DSCAM: variants seen among roughly 807,000 people sequenced by gnomAD.
The protein encoded by DSCAM is DS cell adhesion molecule.
DSCAM carries 47 observed loss-of-function variants against 217.7 expected under a neutral mutation model. The ratio of observed to expected loss-of-function variants is 0.22; its 90% CI spans 0.17 to 0.28. The LOEUF is 0.28. Ranked by LOEUF, DSCAM falls within the 10% of genes least tolerant of loss-of-function variation. The pLI is 1.00. For missense variants in DSCAM, 2,080 were observed against 2,618.3 expected, an observed-to-expected ratio of 0.79 and a Z score of 4.49; for synonymous variants, 1,056 against 1,015.3, an observed-to-expected ratio of 1.04 and a Z score of -0.76.
At chr21:40,168,324 T>A (rs1385641642) in intron 15 of DSCAM, among the ~76,000 whole-genome samples, 1 of 152,160 alleles carries the variant, frequency 6.6e-6, no homozygotes, top group Non-Finnish European at 1.5e-5. Context: ...GTGTTGGAAA[T>A]GTGCTACCTA....
rs185051253 is a variant in DSCAM at position 40,198,300 on chromosome 21, C to T, written c.2357-9062G>A. ...TCCCTCTCTCCCTCTGTCATGATGG[C>T]CTTTATTTTTTATTTAATATCCCAC... On this transcript the variant is annotated intron_variant, in intron 11 of 32. Transcript: ENST00000400454. 2.6e-3 allele frequency among the ~76,000 whole-genome samples: 397 copies of T among 152,190 alleles called. 2 individuals carry two copies. The highest frequency in any genetic ancestry group is 4.0e-3 in the Non-Finnish European group (273 of 68,012).
rs115732331 is a variant in DSCAM, at chr21:40,030,506, C to T, written c.5686+11865G>A. On this transcript the variant is annotated intron_variant, in intron 32 of 32. Transcript: ENST00000400454. ...CCCTGCAAAGATCCTTCTGGTGGTC[C>T]AGAGAGCTGAGCAAAGATAAAGGCC... Among the ~76,000 whole-genome samples, 644 of 152,146 alleles carry T rather than the reference C, an allele frequency of 4.2e-3. 4 individuals are homozygous for T. Among genetic ancestry groups the T allele is most frequent in the African/African-American group, 0.015 (606 of 41,498 alleles).
intron 3 of DSCAM, among the ~76,000 whole-genome samples, chr21:40,546,058 G>C (rs190456828): frequency 6.6e-6 from 1 of 152,346 alleles, no homozygotes; most frequent in East Asian, 1.9e-4. Flanking sequence ...ACCAGGACCT[G>C]GCAGTGCATA....
At chr21:40,751,327 A>T (rs769676122) in intron 1 of DSCAM, among the ~76,000 whole-genome samples, 7 of 152,154 alleles carry the variant, frequency 4.6e-5, no homozygotes, top group East Asian at 1.9e-4. Flanking sequence ...ATATTCATTT[A>T]TCTGATGCAT....
At chr21:40,768,700 C>T in intron 1 of DSCAM, among the ~76,000 whole-genome samples, 1 of 152,210 alleles carries the variant, frequency 6.6e-6, no homozygotes, top group East Asian at 1.9e-4. Context: ...AGCACCTCTG[C>T]ACTCAGACCT....
intron 16 of DSCAM, among the ~76,000 whole-genome samples, chr21:40,153,856 T>G (rs2090449164): frequency 6.6e-6 from 1 of 152,154 alleles, no homozygotes; most frequent in Non-Finnish European, 1.5e-5. Context: ...GACTATTTAG[T>G]TAAAAAGCAG....
chr21:40,600,045 A>G (rs1340185439), intron 3 of DSCAM, among the ~76,000 whole-genome samples: 1 of 152,218 alleles, frequency 6.6e-6, no homozygotes, highest in Non-Finnish European at 1.5e-5. Flanking sequence ...AGCTGGTACC[A>G]TCCTTCTGAA....
At chr21:40,589,699 C>A (rs1271982184) in intron 3 of DSCAM, among the ~76,000 whole-genome samples, 2 of 152,202 alleles carry the variant, frequency 1.3e-5, no homozygotes, top group Non-Finnish European at 2.9e-5. Flanking sequence ...TTGAAATCAT[C>A]TTTGGCAATG....
intron 11 of DSCAM, among the ~76,000 whole-genome samples, chr21:40,248,733 G>T (rs2073261552): frequency 6.6e-6 from 1 of 152,050 alleles, no homozygotes; most frequent in South Asian, 2.1e-4. Flanking sequence ...ATATTTTCAG[G>T]TATCTTTTCA....
At chr21:40,124,810 T>C (rs1003652713) in intron 19 of DSCAM, among the ~76,000 whole-genome samples, 1 of 152,156 alleles carries the variant, frequency 6.6e-6, no homozygotes, top group Non-Finnish European at 1.5e-5. Flanking sequence ...ATTCCTAATG[T>C]TGGAGTCTGT....
intron 3 of DSCAM, among the ~76,000 whole-genome samples, chr21:40,369,906 A>T (rs968263806): frequency 6.6e-6 from 1 of 152,098 alleles, no homozygotes; most frequent in African/African-American, 2.4e-5. Flanking sequence ...TTTTAAAGGG[A>T]CTGTTCAAAT....
At chr21:40,629,076 GGTGTGTGTGT>G (rs57351838) in intron 3 of DSCAM, among the ~76,000 whole-genome samples, 10,463 of 144,244 alleles carry the variant, frequency 0.073, 457 homozygotes, top group Admixed American at 0.13. Context: ...GTGTGTGTGT[GGTGTGTGTGT>G]GTGTGTGTGT....
At chr21:40,620,365 A>G (rs1239821682) in intron 3 of DSCAM, among the ~76,000 whole-genome samples, 1 of 126,260 alleles carries the variant, frequency 7.9e-6, no homozygotes, top group East Asian at 2.2e-4. Flanking sequence ...GAGAAAAAAG[A>G]AAAAGAAAGA....
intron 21 of DSCAM, among the ~76,000 whole-genome samples, chr21:40,091,885 A>G (rs905853876): frequency 1.3e-5 from 2 of 152,100 alleles, no homozygotes; most frequent in Non-Finnish European, 2.9e-5. Context: ...CCATGACTCA[A>G]TTACCTCCCA....
At chr21:40,328,239 A>G (rs2123549632) in intron 8 of DSCAM, among the ~76,000 whole-genome samples, 1 of 152,314 alleles carries the variant, frequency 6.6e-6, no homozygotes, top group South Asian at 2.1e-4. Flanking sequence ...CATGACTTCA[A>G]AATATACTAC....
At chr21:40,687,567 C>A (rs1423276599) in intron 3 of DSCAM, among the ~76,000 whole-genome samples, 2 of 152,190 alleles carry the variant, frequency 1.3e-5, no homozygotes, top group African/African-American at 4.8e-5. Flanking sequence ...TCCCTCCCCA[C>A]ATGAGAATAC....
intron 3 of DSCAM, among the ~76,000 whole-genome samples, chr21:40,369,647 G>C (rs1466243325): frequency 6.6e-6 from 1 of 151,932 alleles, no homozygotes; most frequent in Non-Finnish European, 1.5e-5. Context: ...CAAATTAAGG[G>C]AATATTAACT....
intron 15 of DSCAM, among the ~76,000 whole-genome samples, chr21:40,171,871 T>C (rs1313446576): frequency 1.3e-5 from 2 of 152,236 alleles, no homozygotes; most frequent in Non-Finnish European, 2.9e-5. Context: ...CCAAAGCCGA[T>C]TGAGTTTCCA....
chr21:40,299,725 AT>A (rs1375337122), intron 9 of DSCAM, among the ~76,000 whole-genome samples: 7 of 152,100 alleles, frequency 4.6e-5, no homozygotes, highest in African/African-American at 1.7e-4. Context: ...TAATGACATC[AT>A]TCTCATATGC....
Sources: allele counts gnomAD v4.1 joint callset (sites outside exome capture counted in the v4.1 genomes callset), GRCh38; gene constraint gnomAD v4.1.1; transcripts MANE v1.5; gene names NCBI Gene and HGNC (gene_info 2026-07-23, HGNC 2026-07-21).